Variants in PCDH9 observed in about 807,000 individuals in gnomAD.
PCDH9 encodes protocadherin 9, also known as protocadherin-9.
In PCDH9, 24 loss-of-function variants were observed where a neutral mutation model predicts 70.6. The observed-to-expected ratio is 0.34, with a 90% CI of 0.25 to 0.48. PCDH9 has a LOEUF of 0.48. PCDH9 is among the 20% of genes least tolerant of loss of function. PCDH9 has a pLI of 0.99. For missense variants in PCDH9, 1,281 were observed against 1,503.6 expected (o/e 0.85, Z 2.45); for synonymous variants, 562 against 558.5 (o/e 1.01, Z -0.09).
At chr13:66,438,233 CAAA>C (rs573919913) in intron 4 of PCDH9, among the ~76,000 whole-genome samples, 3 of 96,542 alleles carry the variant, frequency 3.1e-5, no homozygotes, top group African/African-American at 4.0e-5. Flanking sequence ...GACTCCGGCT[CAAA>C]AAAAAAAAAA....
At chr13:66,439,810 T>C (rs752088534) in intron 4 of PCDH9, among the ~76,000 whole-genome samples, 2 of 152,188 alleles carry the variant, frequency 1.3e-5, no homozygotes, top group Non-Finnish European at 2.9e-5. Flanking sequence ...GAGTTGTCCA[T>C]GGTTTCCATG....
intron 2 of PCDH9, among the ~76,000 whole-genome samples, chr13:67,153,956 T>C (rs9599193): frequency 0.17 from 25,268 of 152,206 alleles, 2,378 homozygotes; most frequent in Non-Finnish European, 0.2. Context: ...TGAATATACG[T>C]GTATACTTTG....
intron 4 of PCDH9, among the ~76,000 whole-genome samples, chr13:66,532,511 T>C (rs1172427380): frequency 2.6e-5 from 4 of 152,104 alleles, no homozygotes; most frequent in Non-Finnish European, 5.9e-5. Context: ...GAAATGCTAT[T>C]TTATTGTCAA....
intron 4 of PCDH9, among the ~76,000 whole-genome samples, chr13:66,437,409 A>G (rs1157658458): frequency 2.1e-5 from 3 of 140,252 alleles, no homozygotes; most frequent in Admixed American, 2.1e-4. Flanking sequence ...TGTCTCAAAA[A>G]AAAAAAAAAA....
intron 2 of PCDH9, among the ~76,000 whole-genome samples, chr13:67,019,608 G>T (rs1325520283): frequency 6.6e-6 from 1 of 152,160 alleles, no homozygotes; most frequent in Non-Finnish European, 1.5e-5. Context: ...ATGAGGGAAG[G>T]CACTGTAGTC....
At chr13:66,888,152 T>G (rs1287710157) in intron 3 of PCDH9, among the ~76,000 whole-genome samples, 1 of 152,106 alleles carries the variant, frequency 6.6e-6, no homozygotes. Flanking sequence ...AAATTGCCAT[T>G]CTCATCAACT....
intron 4 of PCDH9, among the ~76,000 whole-genome samples, chr13:66,336,914 A>G (rs949429412): frequency 2.6e-5 from 4 of 152,054 alleles, no homozygotes; most frequent in Non-Finnish European, 5.9e-5. Context: ...CTACCTAGAC[A>G]TTTCTTTAAA....
At chr13:67,215,292 A>G (rs1290465589) in intron 2 of PCDH9, 4 of 151,986 alleles carry the variant, frequency 2.6e-5, no homozygotes, top group African/African-American at 9.7e-5. Context: ...ACACTGCATT[A>G]ATCACTATTC....
intron 3 of PCDH9, among the ~76,000 whole-genome samples, chr13:66,687,587 T>A (rs1270295062): frequency 6.6e-6 from 1 of 152,176 alleles, no homozygotes; most frequent in Admixed American, 6.5e-5. Flanking sequence ...TGGATAACCA[T>A]AATTACATAT....
chr13:66,638,064 C>T (rs2077662567), intron 3 of PCDH9, among the ~76,000 whole-genome samples: 1 of 152,096 alleles, frequency 6.6e-6, no homozygotes, highest in African/African-American at 2.4e-5. Flanking sequence ...AAGGTATTAG[C>T]ATTGCTCATT....
chr13:66,726,197 T>A (rs1380679318), intron 3 of PCDH9, among the ~76,000 whole-genome samples: 1 of 152,182 alleles, frequency 6.6e-6, no homozygotes, highest in African/African-American at 2.4e-5. Flanking sequence ...ATAATCTTTC[T>A]TTAAAATTTG....
chr13:66,345,587 C>A (rs1202080455), intron 4 of PCDH9, among the ~76,000 whole-genome samples: 2 of 152,060 alleles, frequency 1.3e-5, no homozygotes, highest in African/African-American at 4.8e-5. Context: ...TAATCAGTTG[C>A]CTTTTTATTC....
At chr13:66,983,890 G>T (rs2083832188) in intron 2 of PCDH9, among the ~76,000 whole-genome samples, 1 of 151,252 alleles carries the variant, frequency 6.6e-6, no homozygotes, top group Admixed American at 6.6e-5. Flanking sequence ...GCAGGCCCCA[G>T]TGTCACAAAC....
chr13:67,056,146 T>C (rs1347226559), intron 2 of PCDH9, among the ~76,000 whole-genome samples: 2 of 152,196 alleles, frequency 1.3e-5, no homozygotes, highest in African/African-American at 2.4e-5. Context: ...TTATTAATTC[T>C]CATAAGGTGG....
chr13:66,934,775 C>T (rs907611172), intron 2 of PCDH9, among the ~76,000 whole-genome samples: 6 of 105,546 alleles, frequency 5.7e-5, no homozygotes, highest in African/African-American at 1.8e-4. Flanking sequence ...GGCTGGAGTG[C>T]AGTGGCGCGA....
intron 4 of PCDH9, among the ~76,000 whole-genome samples, chr13:66,516,207 T>G (rs1959726810): frequency 6.6e-6 from 1 of 151,890 alleles, no homozygotes; most frequent in Non-Finnish European, 1.5e-5. Context: ...AAATCAAGAG[T>G]CTACTGAATG....
intron 3 of PCDH9, among the ~76,000 whole-genome samples, chr13:66,747,220 G>A (rs2079381904): frequency 6.6e-6 from 1 of 152,052 alleles, no homozygotes; most frequent in Admixed American, 6.6e-5. Context: ...ATATGGTGGT[G>A]TGTGCCTGTA....
chr13:66,756,959 C>T (rs2079547164), intron 3 of PCDH9, among the ~76,000 whole-genome samples: 1 of 152,146 alleles, frequency 6.6e-6, no homozygotes, highest in Admixed American at 6.6e-5. Context: ...GCCTCAGCCT[C>T]CCAAGTAGCT....
At chr13:66,442,218 T>C (rs1957987913) in intron 4 of PCDH9, among the ~76,000 whole-genome samples, 5 of 152,068 alleles carry the variant, frequency 3.3e-5, no homozygotes, top group African/African-American at 1.2e-4. Context: ...AAAGTAGGCA[T>C]GAAAATAAAT....
Sources: allele counts gnomAD v4.1 joint callset (sites outside exome capture counted in the v4.1 genomes callset), GRCh38; gene constraint gnomAD v4.1.1; transcripts MANE v1.5; gene names NCBI Gene and HGNC (gene_info 2026-07-23, HGNC 2026-07-21).